Variants in RASA3 observed in about 807,000 individuals in gnomAD.
RASA3 encodes the protein RAS p21 protein activator 3, also known as ras GTPase-activating protein 3.
RASA3 carries 73 observed loss-of-function variants against 110.0 expected under a neutral mutation model. That is an observed-to-expected ratio of 0.66 (90% CI 0.55 to 0.81). RASA3 has a LOEUF of 0.81. Ranked by LOEUF, RASA3 falls within the 30% of genes least tolerant of loss-of-function variation. RASA3 has a pLI of 0.00. For synonymous variants in RASA3, 500 were observed against 451.4 expected, an observed-to-expected ratio of 1.11 and a Z score of -1.37; for missense variants, 976 against 1,113.2, an observed-to-expected ratio of 0.88 and a Z score of 1.75.
intron 1 of RASA3, among the ~76,000 whole-genome samples, chr13:114,109,950 C>T (rs2080194598): frequency 6.6e-6 from 1 of 152,176 alleles, no homozygotes; most frequent in African/African-American, 2.4e-5. Flanking sequence ...CCCGTCTCCT[C>T]AGCCACCCAC....
At chr13:114,076,182 T>C (rs2079678763) in intron 1 of RASA3, among the ~76,000 whole-genome samples, 1 of 152,224 alleles carries the variant, frequency 6.6e-6, no homozygotes, top group Non-Finnish European at 1.5e-5. Context: ...ACAGCAGCTC[T>C]CGAAGGCTCC....
rs972945838 is a variant in RASA3 at position 114,056,515 on chromosome 13, G to A, written c.174-4360C>T. On this transcript the variant is annotated intron_variant, in intron 2 of 23. Transcript: ENST00000334062. The surrounding 1 kb of genome is among the most constrained non-coding windows in gnomAD (Gnocchi z 5.7). ...GTCCCTGGGCGCTGCCCGGTAGCGG[G>A]GTGTTCAGTTGCTCTGCCAAAGGCT... 1 of 985,266 alleles carries A rather than the reference G, an allele frequency of 1.0e-6. No homozygotes were observed. The highest frequency in any genetic ancestry group is 1.2e-6 in the Non-Finnish European group (1 of 829,920). 61.0% of individuals were successfully genotyped at this position (985,266 alleles called of 1,614,324 possible).
intron 8 of RASA3, among the ~76,000 whole-genome samples, chr13:114,023,891 T>C (rs1043220411): frequency 1.3e-5 from 2 of 152,158 alleles, no homozygotes; most frequent in African/African-American, 4.8e-5. Context: ...GCAGTGCCAG[T>C]GGGTCCTGCT....
intron 1 of RASA3, among the ~76,000 whole-genome samples, chr13:114,121,190 T>A (rs1343015150): frequency 6.6e-6 from 1 of 152,188 alleles, no homozygotes; most frequent in African/African-American, 2.4e-5. Context: ...GGCAGGTGCA[T>A]CCCAGCACTG....
At chr13:114,118,330 T>C (rs1303417516) in intron 1 of RASA3, among the ~76,000 whole-genome samples, 1 of 152,138 alleles carries the variant, frequency 6.6e-6, no homozygotes, top group Non-Finnish European at 1.5e-5. Context: ...CAAGTGCCTG[T>C]GGGAGGACAT....
intron 20 of RASA3, among the ~76,000 whole-genome samples, chr13:113,999,190 C>T (rs2053326059): frequency 6.6e-6 from 1 of 152,178 alleles, no homozygotes; most frequent in African/African-American, 2.4e-5. Context: ...TCTACTCGTG[C>T]AACTTCTATA....
chr13:114,033,699 AC>A (rs1249167254), intron 4 of RASA3, among the ~76,000 whole-genome samples: 1 of 152,058 alleles, frequency 6.6e-6, no homozygotes, highest in Non-Finnish European at 1.5e-5. Flanking sequence ...CCCACACTTG[AC>A]CCAGCGCTCA....
chr13:114,064,721 C>A (rs2079416605), intron 2 of RASA3, among the ~76,000 whole-genome samples: 1 of 152,258 alleles, frequency 6.6e-6, no homozygotes, highest in South Asian at 2.1e-4. Flanking sequence ...AGGTGCCCCC[C>A]TTCCCATCAG....
At chr13:114,117,748 T>TGAGGGGTGCACGTGTGG (rs2080311133) in intron 1 of RASA3, among the ~76,000 whole-genome samples, 2 of 105,726 alleles carry the variant, frequency 1.9e-5, no homozygotes, top group Admixed American at 2.3e-4. Context: ...AGCACGTGTG[T>TGAGGGGTGCACGTGTGG]GAGGGATGCA....
chr13:113,990,766 G>A (rs947874544), intron 22 of RASA3, among the ~76,000 whole-genome samples: 4 of 152,236 alleles, frequency 2.6e-5, no homozygotes, highest in African/African-American at 9.6e-5. Context: ...AGCGTGTTGT[G>A]TTCAACTGCA....
chr13:114,107,305 C>T (rs550409611), intron 1 of RASA3, among the ~76,000 whole-genome samples: 2 of 132,434 alleles, frequency 1.5e-5, no homozygotes, highest in South Asian at 2.7e-4. Context: ...CTGACCCTTG[C>T]GGGGGACGGG....
At chr13:114,067,543 C>G (rs530434424) in intron 2 of RASA3, among the ~76,000 whole-genome samples, 3 of 152,208 alleles carry the variant, frequency 2.0e-5, no homozygotes, top group African/African-American at 7.2e-5. Context: ...TCCTCCTGCC[C>G]CTTTCAGTTT....
intron 1 of RASA3, among the ~76,000 whole-genome samples, chr13:114,089,790 T>C (rs1422004962): frequency 4.6e-5 from 7 of 151,618 alleles, no homozygotes; most frequent in Non-Finnish European, 1.0e-4. Flanking sequence ...AGCATTTCCG[T>C]CCCCCTGAAC....
At chr13:114,108,016 C>T (rs145739286) in intron 1 of RASA3, among the ~76,000 whole-genome samples, 1 of 152,122 alleles carries the variant, frequency 6.6e-6, no homozygotes, top group African/African-American at 2.4e-5. Flanking sequence ...AGGGGCTCTG[C>T]GGGATCCCCT....
intron 23 of RASA3, among the ~76,000 whole-genome samples, chr13:113,981,045 GGA>G (rs903888363): frequency 6.6e-6 from 1 of 152,196 alleles, no homozygotes; most frequent in Non-Finnish European, 1.5e-5. Flanking sequence ...CCCACTGGAT[GGA>G]GAGAGTGACA....
intron 1 of RASA3, among the ~76,000 whole-genome samples, chr13:114,105,081 A>G (rs772149745): frequency 6.6e-6 from 1 of 151,596 alleles, no homozygotes; most frequent in Non-Finnish European, 1.5e-5. Context: ...TGACCTCCCC[A>G]AGCCCCAGAA....
chr13:114,117,685 G>A (rs1209820322), intron 1 of RASA3, among the ~76,000 whole-genome samples: 2 of 137,528 alleles, frequency 1.5e-5, no homozygotes, highest in South Asian at 2.4e-4. Flanking sequence ...GTGTGTGAGG[G>A]GTGCATGTGT....
At chr13:114,009,928 A>G (rs750161412) in intron 16 of RASA3, among the ~76,000 whole-genome samples, 12 of 152,190 alleles carry the variant, frequency 7.9e-5, no homozygotes, top group Non-Finnish European at 1.8e-4. Context: ...GGAGGCACCC[A>G]GGGATTCGGG....
chr13:114,005,235 G>A (rs1008757082), intron 18 of RASA3, among the ~76,000 whole-genome samples: 3 of 152,180 alleles, frequency 2.0e-5, no homozygotes, highest in Non-Finnish European at 4.4e-5. Flanking sequence ...ACTTGTGCCC[G>A]ACATGTTGGC....
Sources: gnomAD v4.1 joint callset for allele counts (sites outside exome capture counted in the v4.1 genomes callset) on GRCh38, gnomAD v4.1.1 for gene constraint, Gnocchi (gnomAD v3.1) non-coding constraint, MANE v1.5 for transcripts, NCBI Gene and HGNC (gene_info 2026-07-23, HGNC 2026-07-21) for gene names.